Variants in TLK1 observed in about 807,000 individuals in gnomAD.
TLK1 encodes the protein tousled like kinase 1, also known as serine/threonine-protein kinase tousled-like 1.
A neutral mutation model predicts 105.3 loss-of-function variants in TLK1; 24 were observed. The observed-to-expected ratio is 0.23, with a 90% CI of 0.17 to 0.32. The LOEUF (loss-of-function observed/expected upper bound fraction) is 0.32. Among genes scored for constraint, TLK1 ranks in the 10% least tolerant of loss-of-function variants. The pLI, the probability that TLK1 is intolerant of heterozygous loss-of-function variation, is 1.00. For synonymous variants in TLK1, 321 were observed against 310.4 expected (o/e 1.03, Z -0.36); for missense variants, 558 against 910.5 (o/e 0.61, Z 4.98).
chr2:171,086,558 A>G (rs145136207), intron 2 of TLK1, among the ~76,000 whole-genome samples: 21 of 152,018 alleles, frequency 1.4e-4, no homozygotes, highest in African/African-American at 5.1e-4. Context: ...TCTGGGAGAC[A>G]GAGGTTAAAG....
chr2:171,049,099 T>A (rs1183626292), intron 10 of TLK1, among the ~76,000 whole-genome samples: 1 of 152,054 alleles, frequency 6.6e-6, no homozygotes, highest in African/African-American at 2.4e-5. Context: ...GACATAAAGA[T>A]GAGAATGATA....
intron 1 of TLK1, among the ~76,000 whole-genome samples, chr2:171,151,248 C>T (rs933075885): frequency 6.6e-6 from 1 of 151,744 alleles, no homozygotes; most frequent in Non-Finnish European, 1.5e-5. Flanking sequence ...CGAACTCCTG[C>T]GCTCAAGCCA....
intron 11 of TLK1, among the ~76,000 whole-genome samples, chr2:171,028,834 C>A (rs1185824560): frequency 6.6e-6 from 1 of 152,068 alleles, no homozygotes; most frequent in East Asian, 1.9e-4. Flanking sequence ...ATAAAAAAAA[C>A]CACGTGATGA....
In TLK1 at chr2:171,142,479, T is replaced by C. The variant is rs1010854726; in HGVS notation, c.139+17811A>G. ...CCAAATGAAAGTTAGTGTATCTGCC[T>C]TAACACTAGATTAAAAACACTACAA... On this transcript the variant is annotated intron_variant, in intron 1 of 20. Transcript: ENST00000431350. Among the ~76,000 whole-genome samples, 3 of 152,180 alleles carry C rather than the reference T, an allele frequency of 2.0e-5. No homozygotes were observed. The South Asian group carries it at 6.2e-4, about 32-fold the overall frequency.
At chr2:171,152,445 T>C (rs940561876) in intron 1 of TLK1, among the ~76,000 whole-genome samples, 3 of 152,216 alleles carry the variant, frequency 2.0e-5, no homozygotes, top group African/African-American at 7.2e-5. Flanking sequence ...GACTGATAAA[T>C]TCCTATCAAT....
intron 2 of TLK1, among the ~76,000 whole-genome samples, chr2:171,089,085 T>C (rs1347412100): frequency 1.3e-5 from 2 of 152,228 alleles, no homozygotes; most frequent in African/African-American, 4.8e-5. Context: ...TTTCGCCATG[T>C]TGGCCAGGCT....
chr2:171,011,252 C>A, intron 14 of TLK1, 121 bp downstream of exon 14: 1 of 782,900 alleles, frequency 1.3e-6, no homozygotes, highest in Non-Finnish European at 1.9e-6. Context: ...CTCCCATCTC[C>A]CAAAGCCCTG....
At chr2:171,199,904 A>G (rs1394893051) in intron 1 of TLK1, among the ~76,000 whole-genome samples, 1 of 152,210 alleles carries the variant, frequency 6.6e-6, no homozygotes, top group Middle Eastern at 3.2e-3. Context: ...AGTGTAAGGT[A>G]AAAAAAGAAG....
Position 171,050,061 on chromosome 2 carries a change from T to A in TLK1, c.843+3A>T, listed in dbSNP as rs1209141211. On this transcript the variant is annotated splice_donor_region_variant and intron_variant, in intron 9 of 20. Transcript: ENST00000431350. ...GCGAAAATTTACTCAACTTTTAGCCTACCTTTTCAATAAGAAGTTTCTTGC... is the reference window on the plus strand; with the variant it reads ...GCGAAAATTTACTCAACTTTTAGCCAACCTTTTCAATAAGAAGTTTCTTGC... 2 of 1,604,306 alleles carry A rather than the reference T, an allele frequency of 1.2e-6. No individual in the cohort carries two copies. Among genetic ancestry groups the A allele is most frequent in the Admixed American group, 3.4e-5 (2 of 58,694 alleles).
chr2:171,222,005 C>A (rs1344888621), intron 1 of TLK1, among the ~76,000 whole-genome samples: 3 of 152,184 alleles, frequency 2.0e-5, no homozygotes, highest in African/African-American at 4.8e-5. Flanking sequence ...ATTTCCCAGG[C>A]CTCTTATAGT....
At chr2:171,143,360 C>A (rs1319163395) in intron 1 of TLK1, among the ~76,000 whole-genome samples, 1 of 150,508 alleles carries the variant, frequency 6.6e-6, no homozygotes, top group Non-Finnish European at 1.5e-5. Flanking sequence ...AAAAAGTTAG[C>A]TGGGTGTGGT....
upstream of TLK1, among the ~76,000 whole-genome samples, chr2:171,163,204 C>G (rs569265409): frequency 3.3e-5 from 5 of 152,322 alleles, no homozygotes; most frequent in South Asian, 1.0e-3. Flanking sequence ...GAGTGTACCA[C>G]ACTTGTTTAT....
At chr2:171,090,692 T>C (rs751297934) in intron 2 of TLK1, among the ~76,000 whole-genome samples, 2 of 152,222 alleles carry the variant, frequency 1.3e-5, no homozygotes, top group South Asian at 2.1e-4. Context: ...TATTTCCCCA[T>C]AGATAAGCAC....
At chr2:171,004,032 G>A (rs913938515) in intron 18 of TLK1, among the ~76,000 whole-genome samples, 2 of 151,870 alleles carry the variant, frequency 1.3e-5, no homozygotes, top group Non-Finnish European at 2.9e-5. Context: ...TCAGCTCACT[G>A]CAACCTCTGC....
chr2:171,143,228 T>G (rs188069898), intron 1 of TLK1, among the ~76,000 whole-genome samples: 43 of 152,132 alleles, frequency 2.8e-4, no homozygotes, highest in Admixed American at 6.5e-4. Context: ...ATAAAATGTA[T>G]TTTCCTTATC....
intron 2 of TLK1, among the ~76,000 whole-genome samples, chr2:171,102,181 TC>T (rs1392023729): frequency 6.6e-6 from 1 of 152,174 alleles, no homozygotes; most frequent in African/African-American, 2.4e-5. Flanking sequence ...TTTCTTTACT[TC>T]CTTTCTTTCA....
chr2:171,088,101 T>C (rs186638382), intron 2 of TLK1, among the ~76,000 whole-genome samples: 1 of 152,146 alleles, frequency 6.6e-6, no homozygotes, highest in Non-Finnish European at 1.5e-5. Context: ...GGGGCTGAAG[T>C]AGACGGATGG....
At position 171,117,795 on chromosome 2, in the gene TLK1, T is replaced by G; in HGVS notation, c.202A>C (p.Thr68Pro). The change falls in exon 2 of 21, where the codon ACT becomes CCT. Residue 68 changes from threonine to proline, a missense_variant. Thr to Pro is a conservative substitution (Grantham distance 38, BLOSUM62 -1). Around this residue, in one of 5 missense-constraint regions of TLK1, gnomAD observed 104 missense variants for 116.0 expected, o/e 0.90. Transcript: ENST00000431350. ...RRQELLEARF[T>P]GVASGSTGST... ...CCAGTGCTCCCACTTGCAACTCCAG[T>G]AAATCTAGCTTCCAATAACTCTTGC... 6.2e-7 allele frequency: 1 copy of G among 1,614,036 alleles called. No individual in the cohort carries two copies. The highest frequency in any genetic ancestry group is 1.1e-5 in the South Asian group (1 of 91,082).
chr2:171,179,945 A>G (rs1318043263), intron 1 of TLK1, among the ~76,000 whole-genome samples: 1 of 152,060 alleles, frequency 6.6e-6, no homozygotes, highest in African/African-American at 2.4e-5. Context: ...AATAAAAAAA[A>G]CTAGCTGGGT....
Sources: allele counts gnomAD v4.1 joint callset (sites outside exome capture counted in the v4.1 genomes callset), GRCh38; gene constraint gnomAD v4.1.1; regional missense constraint gnomAD v4.1.1; transcripts MANE v1.5; gene names NCBI Gene and HGNC (gene_info 2026-07-23, HGNC 2026-07-21).